PDZRN4: variants seen among roughly 807,000 people sequenced by gnomAD.
PDZRN4 encodes the protein PDZ domain containing ring finger 4.
A neutral mutation model predicts 99.0 loss-of-function variants in PDZRN4; 70 were observed. That is an observed-to-expected ratio of 0.71 (90% CI 0.58 to 0.86). The LOEUF (loss-of-function observed/expected upper bound fraction) is 0.86. PDZRN4 is among the 40% of genes least tolerant of loss of function. PDZRN4 has a pLI of 0.00. For missense variants in PDZRN4, 1,474 were observed against 1,331.2 expected (o/e 1.11, Z -1.67); for synonymous variants, 551 against 501.6 (o/e 1.10, Z -1.32).
intron 3 of PDZRN4, among the ~76,000 whole-genome samples, chr12:41,376,143 T>C (rs1302871391): frequency 6.6e-6 from 1 of 152,128 alleles, no homozygotes; most frequent in Non-Finnish European, 1.5e-5. Context: ...TATCTCACAA[T>C]TTTTTAGTTT....
At chr12:41,194,419 G>A (rs1054915572) in intron 3 of PDZRN4, among the ~76,000 whole-genome samples, 2 of 152,144 alleles carry the variant, frequency 1.3e-5, no homozygotes, top group Non-Finnish European at 2.9e-5. Flanking sequence ...AGCATCACGT[G>A]AGCTTAGGAG....
In PDZRN4 at chr12:41,572,197, A is replaced by ATT. The variant is rs1441518907; in HGVS notation, c.1585-166_1585-165insTT. ...TCATTTCATTGTATAAAAAGCTGCC[A>ATT]TGAGCTAATTTCCTTTATTTCTAAA... On this transcript the variant is annotated intron_variant, in intron 9 of 9. Transcript: ENST00000402685. 3.9e-5 allele frequency among the ~76,000 whole-genome samples: 6 copies of ATT among 152,238 alleles called. No individual in the cohort carries two copies. The South Asian group carries it at 1.2e-3, about 32-fold the overall frequency.
intron 3 of PDZRN4, among the ~76,000 whole-genome samples, chr12:41,385,205 A>G (rs1224112486): frequency 2.6e-5 from 4 of 152,240 alleles, no homozygotes; most frequent in African/African-American, 9.6e-5. Flanking sequence ...TTCAGGTGAT[A>G]GGAAATTCTG....
intron 3 of PDZRN4, among the ~76,000 whole-genome samples, chr12:41,304,503 C>T (rs2120936608): frequency 6.6e-6 from 1 of 152,242 alleles, no homozygotes; most frequent in Non-Finnish European, 1.5e-5. Context: ...TCAGATATAT[C>T]ATATATTTGT....
At chr12:41,334,389 T>TAA (rs59977032) in intron 3 of PDZRN4, among the ~76,000 whole-genome samples, 48,078 of 143,448 alleles carry the variant, frequency 0.34, 8,059 homozygotes, top group Non-Finnish European at 0.38. Flanking sequence ...AATGAAAAGT[T>TAA]AAAAAAAAAA....
At position 41,374,478 on chromosome 12, in the gene PDZRN4, C is replaced by T. The variant is rs758256093; in HGVS notation, c.844-131978C>T. On this transcript the variant is annotated intron_variant, in intron 3 of 9. Coordinates refer to ENST00000402685, the MANE Select transcript of PDZRN4 (RefSeq NM_001164595.2). ...AGTCTTGTCCCACTCTGTCTCAGAA[C>T]TCTACAGGGGAAGTGACCTCACATG... is the stretch of plus-strand genomic sequence containing the variant. Among the ~76,000 whole-genome samples the T allele has an allele frequency of 2.0e-5, 3 of 152,252 alleles. No homozygotes were observed. The South Asian group carries it at 6.2e-4, about 32-fold the overall frequency.
At position 41,223,215 on chromosome 12, in the gene PDZRN4, T is replaced by C. The variant is rs546672584; in HGVS notation, c.843+29027T>C. 1.3e-4 allele frequency among the ~76,000 whole-genome samples: 20 copies of C among 152,306 alleles called. No homozygotes were observed. In the East Asian group the frequency reaches 3.3e-3, roughly 25 times the overall value. On this transcript the variant is annotated intron_variant, in intron 3 of 9. Coordinates refer to ENST00000402685, the MANE Select transcript of PDZRN4 (RefSeq NM_001164595.2). ...CATAGTAAGCATGTGATAGGTTTAT[T>C]TGTATCCAGAGCAGTATCATCAATA...
intron 5 of PDZRN4, among the ~76,000 whole-genome samples, chr12:41,540,600 G>A (rs1315116780): frequency 6.6e-6 from 1 of 152,030 alleles, no homozygotes; most frequent in Non-Finnish European, 1.5e-5. Flanking sequence ...CAGCATATAG[G>A]TCCATCATAA....
intron 3 of PDZRN4, among the ~76,000 whole-genome samples, chr12:41,387,970 T>C (rs1952183777): frequency 6.6e-6 from 1 of 152,218 alleles, no homozygotes; most frequent in South Asian, 2.1e-4. Context: ...TATAGATGCA[T>C]GCATATGTTC....
intron 3 of PDZRN4, among the ~76,000 whole-genome samples, chr12:41,302,507 G>C (rs1010996312): frequency 2.0e-5 from 3 of 152,118 alleles, no homozygotes; most frequent in African/African-American, 7.2e-5. Context: ...CAGGATTAAA[G>C]ATGTAAGGAT....
At chr12:41,216,144 G>A (rs1055491853) in intron 3 of PDZRN4, among the ~76,000 whole-genome samples, 11 of 151,850 alleles carry the variant, frequency 7.2e-5, no homozygotes, top group African/African-American at 2.7e-4. Context: ...CATTTCCATA[G>A]GCCAAATCCA....
intron 3 of PDZRN4, among the ~76,000 whole-genome samples, chr12:41,236,678 T>TGAC (rs2120771665): frequency 6.6e-6 from 1 of 152,258 alleles, no homozygotes; most frequent in South Asian, 2.1e-4. Flanking sequence ...TCATAGCATA[T>TGAC]GACAGTCTGG....
chr12:41,222,888 G>A (rs1435344192), intron 3 of PDZRN4, among the ~76,000 whole-genome samples: 1 of 152,154 alleles, frequency 6.6e-6, no homozygotes, highest in Non-Finnish European at 1.5e-5. Context: ...TAAGAAACCT[G>A]TTAGATAGAA....
At chr12:41,320,734 C>G (rs1951671157) in intron 3 of PDZRN4, among the ~76,000 whole-genome samples, 1 of 80,604 alleles carries the variant, frequency 1.2e-5, no homozygotes, top group Non-Finnish European at 3.7e-5. Flanking sequence ...TAGGAAGTGA[C>G]AATACAGAGA....
chr12:41,249,147 A>G (rs192893902), intron 3 of PDZRN4, among the ~76,000 whole-genome samples: 2 of 152,344 alleles, frequency 1.3e-5, no homozygotes, highest in Admixed American at 1.3e-4. Flanking sequence ...ACAGAGATAG[A>G]GAATCAGTTT....
chr12:41,255,228 A>G (rs1951196206), intron 3 of PDZRN4, among the ~76,000 whole-genome samples: 1 of 151,948 alleles, frequency 6.6e-6, no homozygotes, highest in South Asian at 2.1e-4. Context: ...GTGAGGGAGA[A>G]GGCGCAAGTG....
chr12:41,464,306 A>G (rs1273158231), intron 3 of PDZRN4, among the ~76,000 whole-genome samples: 1 of 152,184 alleles, frequency 6.6e-6, no homozygotes, highest in Non-Finnish European at 1.5e-5. Context: ...GGAAAAAAAA[A>G]AAATAGAATA....
chr12:41,477,174 A>G (rs907213240), intron 3 of PDZRN4, among the ~76,000 whole-genome samples: 3 of 152,206 alleles, frequency 2.0e-5, no homozygotes, highest in Non-Finnish European at 4.4e-5. Context: ...TATCTTTTAC[A>G]TAGGACTGAT....
chr12:41,537,448 CA>C (rs1938767766), intron 5 of PDZRN4, among the ~76,000 whole-genome samples: 1 of 152,106 alleles, frequency 6.6e-6, no homozygotes, highest in South Asian at 2.1e-4. Context: ...AAGTGGCATA[CA>C]TTTTTTGTGA....
Sources: gnomAD v4.1 joint callset for allele counts (sites outside exome capture counted in the v4.1 genomes callset) on GRCh38, gnomAD v4.1.1 for gene constraint, MANE v1.5 for transcripts, NCBI Gene and HGNC (gene_info 2026-07-23, HGNC 2026-07-21) for gene names.